Variants in OSBPL9 observed in about 807,000 individuals in gnomAD.
OSBPL9 encodes the protein oxysterol-binding protein-related protein 9.
OSBPL9 carries 40 observed loss-of-function variants against 106.6 expected under a neutral mutation model. The ratio of observed to expected loss-of-function variants is 0.38; its 90% CI spans 0.29 to 0.49. The LOEUF is 0.49. OSBPL9 is among the 20% of genes least tolerant of loss of function. The probability of loss-of-function intolerance (pLI) is 0.97; values close to 1 mark genes in which losing one functional copy is unlikely to be tolerated. For missense variants in OSBPL9, 609 were observed against 887.2 expected, an observed-to-expected ratio of 0.69 and a Z score of 3.98; for synonymous variants, 269 against 295.4, an observed-to-expected ratio of 0.91 and a Z score of 0.92.
intron 2 of OSBPL9, among the ~76,000 whole-genome samples, chr1:51,598,975 C>T (rs1411099305): frequency 1.4e-5 from 2 of 144,128 alleles, no homozygotes; most frequent in Non-Finnish European, 3.0e-5. Context: ...GCCTGGGCAA[C>T]AGGTGAGACT....
At chr1:51,743,920 T>G (rs1046154165) in intron 4 of OSBPL9, among the ~76,000 whole-genome samples, 1 of 152,216 alleles carries the variant, frequency 6.6e-6, no homozygotes, top group African/African-American at 2.4e-5. Flanking sequence ...TGAAGAAGTT[T>G]AAACACAGTT....
At chr1:51,686,804 A>T (rs1333550309) in intron 3 of OSBPL9, among the ~76,000 whole-genome samples, 1 of 152,200 alleles carries the variant, frequency 6.6e-6, no homozygotes, top group Non-Finnish European at 1.5e-5. Context: ...TTTAATTTTA[A>T]TCCTGTTCTA....
intron 12 of OSBPL9, among the ~76,000 whole-genome samples, chr1:51,770,979 G>A (rs1004888563): frequency 2.0e-5 from 3 of 152,078 alleles, no homozygotes; most frequent in African/African-American, 7.3e-5. Flanking sequence ...ATAATGATGT[G>A]TCAATGTAGG....
the OSBPL9 span, among the ~76,000 whole-genome samples, chr1:51,564,739 T>C: frequency 1.3e-5 from 2 of 152,160 alleles, no homozygotes; most frequent in African/African-American, 4.8e-5. Context: ...CAGCATCCTA[T>C]CCTGGGGGCT....
chr1:51,765,124 C>G (rs1399011891), intron 11 of OSBPL9, among the ~76,000 whole-genome samples: 1 of 152,204 alleles, frequency 6.6e-6, no homozygotes, highest in African/African-American at 2.4e-5. Flanking sequence ...AGATGATCAT[C>G]TCAGAGATTA....
Position 51,604,461 on chromosome 1 carries a change from C to T in OSBPL9, c.-353+6268C>T, listed in dbSNP as rs529595547. 4.7e-3 allele frequency among the ~76,000 whole-genome samples: 712 copies of T among 151,442 alleles called. 10 individuals are homozygous for T. The highest frequency in any genetic ancestry group is 5.1e-3 in the Non-Finnish European group (343 of 67,864). ...ATCCCAGCTGCTCGGGAGGCTGAGG[C>T]AGGAGAATCACTTGAACCCGGGAGG... On this transcript the variant is annotated intron_variant, in intron 2 of 25. Coordinates refer to the OSBPL9 transcript ENST00000371714.
intron 1 of OSBPL9, among the ~76,000 whole-genome samples, chr1:51,624,583 T>G (rs1405831094): frequency 6.6e-6 from 1 of 151,672 alleles, no homozygotes; most frequent in African/African-American, 2.4e-5. Context: ...AGACTCTGTC[T>G]CAAAAAATAA....
chr1:51,728,146 C>T (rs902575743), intron 4 of OSBPL9, among the ~76,000 whole-genome samples: 6 of 152,100 alleles, frequency 3.9e-5, no homozygotes, highest in Non-Finnish European at 8.8e-5. Context: ...TGGAGCTAAG[C>T]GGTAGGTAAG....
At chr1:51,593,668 C>T (rs943055561) in intron 1 of OSBPL9, among the ~76,000 whole-genome samples, 4 of 152,174 alleles carry the variant, frequency 2.6e-5, no homozygotes, top group Non-Finnish European at 4.4e-5. Context: ...GGGCTTATTC[C>T]CACCTTCCTC....
intron 1 of OSBPL9, among the ~76,000 whole-genome samples, chr1:51,651,754 T>C (rs901075539): frequency 1.3e-5 from 2 of 152,214 alleles, no homozygotes; most frequent in African/African-American, 4.8e-5. Context: ...ATGTAATATA[T>C]GTTACATTAA....
intron 12 of OSBPL9, among the ~76,000 whole-genome samples, chr1:51,771,073 T>C (rs554333949): frequency 1.2e-3 from 176 of 152,270 alleles, no homozygotes; most frequent in African/African-American, 4.0e-3. Flanking sequence ...AGGGAATGTA[T>C]GCATGCTGTC....
At chr1:51,577,321 C>CTTTTTTTTTTTTTTTT (rs762583157) in intron 1 of OSBPL9, 1 of 129,894 alleles carries the variant, frequency 7.7e-6, no homozygotes, top group Non-Finnish European at 1.7e-5. Context: ...TTTTTCTTTT[C>CTTTTTTTTTTTTTTTT]TTTTTTTTTT....
intron 3 of OSBPL9, among the ~76,000 whole-genome samples, chr1:51,678,663 A>AAAAT (rs559331539): frequency 5.8e-4 from 89 of 152,332 alleles, no homozygotes; most frequent in Non-Finnish European, 1.1e-3. Flanking sequence ...TCTGTCTCCA[A>AAAAT]AAATAAATAA....
chr1:51,747,577 T>G (rs1477620264), intron 6 of OSBPL9, among the ~76,000 whole-genome samples: 9 of 145,416 alleles, frequency 6.2e-5, no homozygotes, highest in Admixed American at 4.8e-4. Context: ...TTTTTTTTTT[T>G]GCTCTTCTGT....
At chr1:51,629,488 A>G (rs141097593) in intron 1 of OSBPL9, among the ~76,000 whole-genome samples, 2 of 152,306 alleles carry the variant, frequency 1.3e-5, no homozygotes, top group East Asian at 3.9e-4. Context: ...GTGGGCTTAC[A>G]CAAACTTAGA....
At chr1:51,569,750 C>T in the OSBPL9 span, 1 of 152,142 alleles carries the variant, frequency 6.6e-6, no homozygotes, top group Non-Finnish European at 1.5e-5. Context: ...GGTTTGGAGA[C>T]CTAGAAGCAG....
At position 51,706,593 on chromosome 1, in the gene OSBPL9, T is replaced by C. The variant is rs545449598; in HGVS notation, c.242-7410T>C. ...GTTTGCCCTCTATCTCATTAATTTA[T>C]GTTCTTTATCAATTCCTTTTCTACT... is the stretch of plus-strand genomic sequence containing the variant. On this transcript the variant is annotated intron_variant, in intron 3 of 23. Transcript: ENST00000428468. Among the ~76,000 whole-genome samples, 15 of 151,864 alleles carry C rather than the reference T, an allele frequency of 9.9e-5. No homozygotes were observed. The East Asian group carries it at 2.5e-3, about 25-fold the overall frequency.
chr1:51,771,476 T>A (rs924868145), intron 12 of OSBPL9, among the ~76,000 whole-genome samples: 1 of 152,014 alleles, frequency 6.6e-6, no homozygotes, highest in Non-Finnish European at 1.5e-5. Context: ...AAGAAAAATA[T>A]AAATATACGT....
intron 4 of OSBPL9, among the ~76,000 whole-genome samples, chr1:51,742,829 G>C (rs1468816628): frequency 6.6e-6 from 1 of 152,198 alleles, no homozygotes; most frequent in African/African-American, 2.4e-5. Flanking sequence ...AAGAGAAACA[G>C]TTAACACTTC....
Sources: gnomAD v4.1 joint callset for allele counts (sites outside exome capture counted in the v4.1 genomes callset) on GRCh38, gnomAD v4.1.1 for gene constraint, MANE v1.5 for transcripts, NCBI Gene and HGNC (gene_info 2026-07-23, HGNC 2026-07-21) for gene names.